Variants in SPTA1 observed in about 807,000 individuals in gnomAD.
The protein encoded by SPTA1 is spectrin alpha, erythrocytic 1.
In SPTA1, 177 loss-of-function variants were observed where a neutral mutation model predicts 324.7. The observed-to-expected ratio is 0.55, with a 90% CI of 0.48 to 0.62. The LOEUF is 0.62. SPTA1 is among the 20% of genes least tolerant of loss of function. The pLI is 0.00. For synonymous variants in SPTA1, 1,195 were observed against 1,041.3 expected, an observed-to-expected ratio of 1.15 and a Z score of -2.84; for missense variants, 3,162 against 2,883.6, an observed-to-expected ratio of 1.10 and a Z score of -2.21.
Position 158,614,301 on chromosome 1 carries a change from A to G in SPTA1, c.6794T>C (p.Ile2265Thr), listed in dbSNP as rs952094. 844,124 of 1,567,036 alleles carry G rather than the reference A, an allele frequency of 0.54. 231,666 individuals carry two copies. The highest frequency in any genetic ancestry group is 0.6 in the East Asian group (26,736 of 44,482). ...NLEQQIQAKDIKGVSEETLKE... is the reference protein window; with the variant it reads ...NLEQQIQAKDTKGVSEETLKE... ...TAGAGTCTCTTCACTCACACCTTTG[A>G]TGTCCCTGAAAGAAAAAAAAAAAAC... The change falls in exon 49 of 52, where the codon ATC becomes ACC. Residue 2265 changes from isoleucine to threonine, a missense_variant. Transcript: ENST00000643759.
chr1:158,638,087 G>C lies in SPTA1; in HGVS notation c.5135C>G (p.Ala1712Gly), dbSNP rs1206936748. Residue 1712 changes from alanine to glycine, a missense_variant, in exon 36 of 52, where the codon GCC (alanine) becomes GGC (glycine). Coordinates refer to ENST00000643759, the MANE Select transcript of SPTA1 (RefSeq NM_003126.4). The part of the protein sequence containing the change: ...AAAHHEKLKE[A>G]YALFQFFQDL... ...CTGGAAGAACTGGAACAAGGCATAGGCCTCTTTCAATTTTTCGTGGTGTGC... is the reference window on the plus strand; with the variant it reads ...CTGGAAGAACTGGAACAAGGCATAGCCCTCTTTCAATTTTTCGTGGTGTGC... The C allele has an allele frequency of 6.2e-7, 1 of 1,613,952 alleles. No homozygotes were observed. Among genetic ancestry groups the C allele is most frequent in the Admixed American group, 1.7e-5 (1 of 59,984 alleles).
chr1:158,672,558 T>C (rs549766316), intron 10 of SPTA1, among the ~76,000 whole-genome samples: 1 of 152,218 alleles, frequency 6.6e-6, no homozygotes, highest in East Asian at 1.9e-4. Context: ...TTTTAGATAA[T>C]GTAATGTGAG....
At chr1:158,667,786 C>T in intron 15 of SPTA1, 72 bp downstream of exon 15, 2 of 1,507,624 alleles carry the variant, frequency 1.3e-6, no homozygotes, top group Non-Finnish European at 1.8e-6. Context: ...GATAAATTTA[C>T]AGTGGTAAAG....
At chr1:158,629,071 G>T (rs1028107921) in intron 39 of SPTA1, among the ~76,000 whole-genome samples, 1 of 151,692 alleles carries the variant, frequency 6.6e-6, no homozygotes, top group Non-Finnish European at 1.5e-5. Context: ...AAACACCTTC[G>T]CAAAGTCAGC....
In SPTA1 at chr1:158,642,490, T is replaced by C; in HGVS notation, c.4658A>G (p.Glu1553Gly). ...TFAHEVDGRSEQVHGVINLGN... is the reference protein window; with the variant it reads ...TFAHEVDGRSGQVHGVINLGN... ...CAGGTTGATGACGCCATGCACCTGC[T>C]CAGATCGGCCATCGACTTCATGTGC... The change falls in exon 33 of 52, where the codon GAG becomes GGG. Residue 1553 changes from glutamate to glycine, a missense_variant. By Grantham distance (98) the Glu-to-Gly change is moderately conservative. Coordinates refer to ENST00000643759, the MANE Select transcript of SPTA1 (RefSeq NM_003126.4). The C allele has an allele frequency of 1.2e-6, 2 of 1,613,732 alleles. No homozygotes were observed. Among genetic ancestry groups the C allele is most frequent in the Non-Finnish European group, 1.7e-6 (2 of 1,179,742 alleles).
intron 33 of SPTA1, 140 bp from the exon 34 acceptor site, chr1:158,640,147 C>G: frequency 9.7e-7 from 1 of 1,030,236 alleles, no homozygotes; most frequent in African/African-American, 1.6e-5. Flanking sequence ...CATTTCAAAC[C>G]AGTTATACTT....
chr1:158,623,089 G>C lies in SPTA1; in HGVS notation c.6014C>G (p.Ala2005Gly), dbSNP rs770210845. 3 of 1,614,004 alleles carry C rather than the reference G, an allele frequency of 1.9e-6. No individual in the cohort carries two copies. Among genetic ancestry groups the C allele is most frequent in the African/African-American group, 2.7e-5 (2 of 74,902 alleles). Residue 2005 changes from alanine (A) to glycine (G), a missense_variant, in exon 43 of 52, where the codon GCC becomes GGC. Coordinates refer to ENST00000643759, the MANE Select transcript of SPTA1 (RefSeq NM_003126.4). ...CAGAGCGGCATAACGCTCTTCAATG[G>C]CTTTAGACTGGTTGTGTTGAGCAGA... ...LISAQHNQSK[A>G]IEERYAALLK... is the part of the protein sequence containing the mutation.
chr1:158,654,658 T>A lies in SPTA1; in HGVS notation c.2989A>T (p.Thr997Ser). 6.2e-7 allele frequency: 1 copy of A among 1,614,022 alleles called. No individual in the cohort carries two copies. The highest frequency in any genetic ancestry group is 8.5e-7 in the Non-Finnish European group (1 of 1,180,008). ...GTTAAGACATCACCTTTCTTCATGG[T>A]GACTTCTCGGGGGCTGCGGGCCTGG... ...DFQARSPREV[T>S]MKKGDVLTLL... Residue 997 changes from threonine (T) to serine (S), a missense_variant, in exon 21 of 52, where the codon ACC becomes TCC. Physicochemically the swap from Thr to Ser is moderately conservative, Grantham distance 58. Transcript: ENST00000643759.
intron 16 of SPTA1, among the ~76,000 whole-genome samples, chr1:158,665,671 T>C (rs534488826): frequency 1.3e-5 from 2 of 152,354 alleles, no homozygotes; most frequent in East Asian, 3.9e-4. Context: ...CAGTTCATTG[T>C]TCTGGCTCTG....
rs577968613 is a variant in SPTA1, at chr1:158,634,610, G to T, written c.5498C>A (p.Ala1833Asp). 1 of 1,613,980 alleles carries T rather than the reference G, an allele frequency of 6.2e-7. No individual in the cohort carries two copies. The highest frequency in any genetic ancestry group is 8.5e-7 in the Non-Finnish European group (1 of 1,180,030). ...CAAAGCATTCTTTTCATTGATCCAA[G>T]CTTCCTCTTCCTCAGCATTCTGCAT... ...QFMQNAEEEE[A>D]WINEKNALAV... The change falls in exon 39 of 52, where the codon GCT (alanine) becomes GAT (aspartate). Residue 1833 changes from alanine to aspartate, a missense_variant. By Grantham distance (126) the Ala-to-Asp change is moderately radical (BLOSUM62 -2). Transcript: ENST00000643759.
rs762631236 is a variant in SPTA1, at chr1:158,648,490, T to A, written c.3714+19A>T. The A allele has an allele frequency of 6.2e-7, 1 of 1,613,792 alleles. No homozygotes were observed. Among genetic ancestry groups the A allele is most frequent in the South Asian group, 1.1e-5 (1 of 91,078 alleles). On this transcript the variant is annotated intron_variant, in intron 26 of 51. Coordinates refer to ENST00000643759, the MANE Select transcript of SPTA1 (RefSeq NM_003126.4). ...ATAGACTGGAAAGTGTTGGAAAAGC[T>A]TTGAAGGACTTGTCTCACCTTATCT...
chr1:158,623,311 G>C (rs1319514504), intron 42 of SPTA1, 119 bp from the exon 43 acceptor site: 12 of 891,924 alleles, frequency 1.3e-5, no homozygotes, highest in South Asian at 2.7e-5. Context: ...TGATGATTAA[G>C]AAAAAGGAAA....
At chr1:158,656,485 TA>T in intron 20 of SPTA1, 78 bp downstream of exon 20, 2 of 1,355,440 alleles carry the variant, frequency 1.5e-6, no homozygotes, top group South Asian at 1.2e-5. Flanking sequence ...TTGTAGAAAG[TA>T]AAAAATCAGC....
intron 15 of SPTA1, 124 bp from the exon 16 acceptor site, chr1:158,666,621 CTG>C: frequency 1.1e-6 from 1 of 875,704 alleles, no homozygotes; most frequent in Non-Finnish European, 1.8e-6. Flanking sequence ...GGAAATATAA[CTG>C]TCTCACATGT....
At chr1:158,662,678 T>G in intron 17 of SPTA1, 24 bp downstream of exon 17, 1 of 1,613,282 alleles carries the variant, frequency 6.2e-7, no homozygotes, top group Non-Finnish European at 8.5e-7. Flanking sequence ...TCCTAGTGGC[T>G]CAGCCTGCTC....
intron 42 of SPTA1, among the ~76,000 whole-genome samples, chr1:158,625,854 T>C (rs1650232474): frequency 6.6e-6 from 1 of 150,468 alleles, no homozygotes; most frequent in East Asian, 1.9e-4. Flanking sequence ...CCAAATAAAG[T>C]AAAAAAAGAT....
chr1:158,649,532 C>A (rs1055432416), intron 25 of SPTA1, among the ~76,000 whole-genome samples: 1 of 152,222 alleles, frequency 6.6e-6, no homozygotes, highest in Non-Finnish European at 1.5e-5. Context: ...AGCAATCCTC[C>A]TGCCTCGGCC....
At chr1:158,615,063 G>T in intron 48 of SPTA1, 153 bp downstream of exon 48, 1 of 801,810 alleles carries the variant, frequency 1.2e-6, no homozygotes, top group Non-Finnish European at 2.1e-6. Flanking sequence ...AGTATAAAGA[G>T]AAATAGTCAT....
chr1:158,669,305 G>A, intron 14 of SPTA1, 103 bp downstream of exon 14: 1 of 1,488,036 alleles, frequency 6.7e-7, no homozygotes, highest in Non-Finnish European at 9.3e-7. Flanking sequence ...TCTATAAAAT[G>A]AGGATCACCA....
Sources: gnomAD v4.1 joint callset for allele counts (sites outside exome capture counted in the v4.1 genomes callset) on GRCh38, gnomAD v4.1.1 for gene constraint, MANE v1.5 for transcripts, NCBI Gene and HGNC (gene_info 2026-07-23, HGNC 2026-07-21) for gene names.